KCNH1: variants seen among roughly 807,000 people sequenced by gnomAD.
The protein encoded by KCNH1 is voltage-gated delayed rectifier potassium channel KCNH1.
A neutral mutation model predicts 69.2 loss-of-function variants in KCNH1; 27 were observed. The ratio of observed to expected loss-of-function variants is 0.39; its 90% CI spans 0.29 to 0.54. The LOEUF is 0.54. KCNH1 is among the 20% of genes least tolerant of loss of function. KCNH1 has a pLI of 0.68. For synonymous variants in KCNH1, 456 were observed against 487.7 expected (o/e 0.93, Z 0.86); for missense variants, 798 against 1,261.6 (o/e 0.63, Z 5.57).
intron 5 of KCNH1, among the ~76,000 whole-genome samples, chr1:211,077,830 C>A (rs945419344): frequency 6.6e-6 from 1 of 152,012 alleles, no homozygotes; most frequent in Non-Finnish European, 1.5e-5. Context: ...GATAAAGAGT[C>A]AAGCCCCATC....
At chr1:210,716,869 A>G (rs1682268483) in intron 10 of KCNH1, among the ~76,000 whole-genome samples, 1 of 152,218 alleles carries the variant, frequency 6.6e-6, no homozygotes, top group African/African-American at 2.4e-5. Flanking sequence ...GGGCTAAGAA[A>G]GTGGGGCTAG....
intron 7 of KCNH1, among the ~76,000 whole-genome samples, chr1:210,806,631 GT>G (rs11364536): frequency 0.78 from 116,485 of 150,058 alleles, 45,621 homozygotes; most frequent in Non-Finnish European, 0.83. Context: ...ATTCATCCAT[GT>G]TACTGCATGT....
intron 7 of KCNH1, among the ~76,000 whole-genome samples, chr1:210,838,368 T>A (rs1054652946): frequency 2.6e-5 from 4 of 151,972 alleles, no homozygotes; most frequent in African/African-American, 9.7e-5. Flanking sequence ...AACTTAAATA[T>A]AAAACCCAAA....
At chr1:210,746,543 T>C (rs1163604046) in intron 10 of KCNH1, among the ~76,000 whole-genome samples, 1 of 150,744 alleles carries the variant, frequency 6.6e-6, no homozygotes, top group Non-Finnish European at 1.5e-5. Context: ...GACTATGATG[T>C]CACACAATCT....
At position 210,765,988 on chromosome 1, in the gene KCNH1, G is replaced by A. The variant is rs141384773; in HGVS notation, c.2112+9360C>T. ...TGAGGCAGGAGAATTGCTTGAACCC[G>A]GGAGGTGGAGGTTGCAGGGAGCCGA... On this transcript the variant is annotated intron_variant, in intron 10 of 10. Transcript: ENST00000271751. Among the ~76,000 whole-genome samples the A allele has an allele frequency of 2.6e-3, 397 of 152,080 alleles. 1 individual carries two copies. The highest frequency in any genetic ancestry group is 9.0e-3 in the African/African-American group (375 of 41,502).
intron 7 of KCNH1, among the ~76,000 whole-genome samples, chr1:210,892,001 G>A (rs1385206028): frequency 6.6e-6 from 1 of 152,128 alleles, no homozygotes; most frequent in Non-Finnish European, 1.5e-5. Context: ...TCATAAGTGG[G>A]AGTTAAACAA....
chr1:210,873,678 C>T (rs1036316564), intron 7 of KCNH1, among the ~76,000 whole-genome samples: 4 of 152,010 alleles, frequency 2.6e-5, no homozygotes, highest in Admixed American at 1.3e-4. Context: ...GGGTTCCCAT[C>T]TTATGCCCCT....
chr1:211,125,705 G>A (rs1691766217), intron 1 of KCNH1, among the ~76,000 whole-genome samples: 1 of 152,200 alleles, frequency 6.6e-6, no homozygotes. Context: ...AAAAGGAGAT[G>A]GAAGGCCGTT....
intron 6 of KCNH1, among the ~76,000 whole-genome samples, chr1:210,923,917 A>G (rs1687514117): frequency 6.6e-6 from 1 of 152,254 alleles, no homozygotes; most frequent in African/African-American, 2.4e-5. Flanking sequence ...TTGCAGGTAT[A>G]GTTAGTTAAG....
In KCNH1 at chr1:210,678,363, AC is replaced by A. The variant is rs1681185234; in HGVS notation, c.*4917del. On this transcript the variant is annotated 3_prime_UTR_variant, in exon 11 of 11. Coordinates refer to ENST00000271751, the MANE Select transcript of KCNH1 (RefSeq NM_172362.3). ...ATAATAAATAAAACTTTTTTTTTTT[AC>A]AAATATCATTTGTGCTTGTTTAAAA... 4 of 150,788 alleles carry A rather than the reference AC, an allele frequency of 2.7e-5. No individual in the cohort carries two copies. Among genetic ancestry groups the A allele is most frequent in the African/African-American group, 9.7e-5 (4 of 41,052 alleles). 9.3% of individuals were successfully genotyped at this position (150,788 alleles called of 1,614,324 possible).
intron 7 of KCNH1, chr1:210,860,337 G>A (rs1685950959): frequency 2.8e-6 from 4 of 1,441,522 alleles, no homozygotes; most frequent in Admixed American, 1.7e-5. Flanking sequence ...AGAATTCTGA[G>A]ACATGCTGTT....
At chr1:210,991,273 C>T (rs1477638570) in intron 6 of KCNH1, among the ~76,000 whole-genome samples, 3 of 152,168 alleles carry the variant, frequency 2.0e-5, no homozygotes, top group Non-Finnish European at 4.4e-5. Context: ...AATTATACAG[C>T]GTTTTTTAAG....
At chr1:210,765,378 C>A (rs1292052570) in intron 10 of KCNH1, among the ~76,000 whole-genome samples, 1 of 152,186 alleles carries the variant, frequency 6.6e-6, no homozygotes, top group African/African-American at 2.4e-5. Flanking sequence ...AACCTGCACA[C>A]ATACCCCCAG....
chr1:210,863,856 T>G (rs1172091046), intron 7 of KCNH1, among the ~76,000 whole-genome samples: 1 of 152,178 alleles, frequency 6.6e-6, no homozygotes, highest in African/African-American at 2.4e-5. Context: ...CGAAGTACTC[T>G]TGAACTCTGT....
intron 9 of KCNH1, among the ~76,000 whole-genome samples, chr1:210,786,513 C>A (rs1449463620): frequency 5.9e-5 from 9 of 152,088 alleles, no homozygotes; most frequent in African/African-American, 2.2e-4. Context: ...ATCTCGGGCT[C>A]CTATAAATTG....
chr1:210,915,513 G>C lies in KCNH1; in HGVS notation c.1462+4127C>G, dbSNP rs193226641. Among the ~76,000 whole-genome samples the C allele has an allele frequency of 6.9e-5, 8 of 115,352 alleles. No homozygotes were observed. In the East Asian group the frequency reaches 9.9e-4, roughly 14 times the overall value. 75.7% of individuals were successfully genotyped at this position (115,352 alleles called of 152,430 possible). ...ACACCATACCTTATAGTCAGCCCCT[G>C]CCGGAGACTACCACAGATCTACACA... is the stretch of plus-strand genomic sequence containing the variant. On this transcript the variant is annotated intron_variant, in intron 7 of 10. Transcript: ENST00000271751.
At chr1:211,032,086 C>A (rs565947847) in intron 5 of KCNH1, among the ~76,000 whole-genome samples, 2 of 152,200 alleles carry the variant, frequency 1.3e-5, no homozygotes, top group South Asian at 4.1e-4. Context: ...AATCAATGTG[C>A]AAAAATCACA....
chr1:210,854,170 C>T (rs1014862595), intron 7 of KCNH1, among the ~76,000 whole-genome samples: 1 of 152,068 alleles, frequency 6.6e-6, no homozygotes, highest in African/African-American at 2.4e-5. Flanking sequence ...TACCCATTAA[C>T]TTAAAAACCA....
chr1:211,045,325 T>C (rs1399327459), intron 5 of KCNH1, among the ~76,000 whole-genome samples: 1 of 151,746 alleles, frequency 6.6e-6, no homozygotes, highest in African/African-American at 2.4e-5. Context: ...TGTATACTGC[T>C]CAGGTGATGG....
Sources: allele counts gnomAD v4.1 joint callset (sites outside exome capture counted in the v4.1 genomes callset), GRCh38; gene constraint gnomAD v4.1.1; transcripts MANE v1.5; gene names NCBI Gene and HGNC (gene_info 2026-07-23, HGNC 2026-07-21).